PSMD11: variants seen among roughly 807,000 people sequenced by gnomAD.
PSMD11 encodes 26S proteasome non-ATPase regulatory subunit 11.
In PSMD11, 5 loss-of-function variants were observed where a neutral mutation model predicts 62.3. The observed-to-expected ratio is 0.08, with a 90% CI of 0.04 to 0.17. The LOEUF (loss-of-function observed/expected upper bound fraction) is 0.17, where lower values mean the gene tolerates loss of function less well. PSMD11 is among the 10% of genes least tolerant of loss of function. The pLI is 1.00. For synonymous variants in PSMD11, 191 were observed against 191.8 expected, an observed-to-expected ratio of 1.00 and a Z score of 0.03; for missense variants, 310 against 512.9, an observed-to-expected ratio of 0.60 and a Z score of 3.82.
At chr17:32,467,781 T>G (rs1385525120) in intron 5 of PSMD11, among the ~76,000 whole-genome samples, 1 of 152,116 alleles carries the variant, frequency 6.6e-6, no homozygotes, top group Non-Finnish European at 1.5e-5. Flanking sequence ...CCAGCTCTTG[T>G]TTTTATTTTT....
At chr17:32,473,635 G>A (rs1249214087) in intron 6 of PSMD11, among the ~76,000 whole-genome samples, 166 bp from the exon 7 acceptor site, 4 of 150,466 alleles carry the variant, frequency 2.7e-5, no homozygotes, top group African/African-American at 9.8e-5. Flanking sequence ...GGCTTGTCTC[G>A]AACTCCTGGG....
At chr17:32,474,408 G>C (rs1346629322) in intron 7 of PSMD11, among the ~76,000 whole-genome samples, 3 of 152,190 alleles carry the variant, frequency 2.0e-5, no homozygotes, top group African/African-American at 7.2e-5. Context: ...ATGAAATATT[G>C]ACTAAGAACT....
At chr17:32,459,111 AATACATATAT>A (rs1490868539) in intron 3 of PSMD11, among the ~76,000 whole-genome samples, 3 of 43,768 alleles carry the variant, frequency 6.9e-5, no homozygotes, top group African/African-American at 1.9e-4. Context: ...AAAAAAAAAA[AATACATATAT>A]ATATATATAT....
chr17:32,473,883 C>T lies in PSMD11; in HGVS notation c.726C>T (p.Ile242=), dbSNP rs141504283. The T allele has an allele frequency of 3.3e-4, 528 of 1,614,154 alleles. 4 individuals carry two copies. The African/African-American group carries it at 6.2e-3, about 19-fold the overall frequency. ...AGGCATTTGAGGGTTATGACTCCATCGACAGCCCCAAGGCCATCACATCTC... is the reference window on the plus strand; with the variant it reads ...AGGCATTTGAGGGTTATGACTCCATTGACAGCCCCAAGGCCATCACATCTC... The part of the protein sequence containing the change: ...FYEAFEGYDS[I]DSPKAITSLK... The change falls in exon 7 of 14, where the codon ATC becomes ATT. Residue 242 remains isoleucine, a synonymous_variant. Transcript: ENST00000261712.
chr17:32,479,563 A>G (rs1908429457), intron 10 of PSMD11, 187 bp downstream of exon 10: 1 of 871,026 alleles, frequency 1.1e-6, no homozygotes, highest in Non-Finnish European at 1.7e-6. Flanking sequence ...GGGTAGAGGC[A>G]TGTGGGTTGC....
chr17:32,475,114 T>G (rs1908280232), intron 8 of PSMD11, among the ~76,000 whole-genome samples: 1 of 152,208 alleles, frequency 6.6e-6, no homozygotes. Context: ...ACCAGAAGAT[T>G]TATCTACCAC....
intron 2 of PSMD11, among the ~76,000 whole-genome samples, chr17:32,449,136 G>T (rs560623815): frequency 1.3e-5 from 2 of 152,202 alleles, no homozygotes; most frequent in Admixed American, 6.5e-5. Flanking sequence ...CAGGCGTGAT[G>T]GCTCATGCCT....
At chr17:32,453,289 A>T (rs1567852159) in intron 2 of PSMD11, among the ~76,000 whole-genome samples, 1 of 152,244 alleles carries the variant, frequency 6.6e-6, no homozygotes, top group Non-Finnish European at 1.5e-5. Flanking sequence ...TGGACCTAAA[A>T]GGATATATAA....
chr17:32,456,675 G>A (rs1233183639), intron 3 of PSMD11, among the ~76,000 whole-genome samples: 1 of 152,188 alleles, frequency 6.6e-6, no homozygotes. Flanking sequence ...GACTACAGGC[G>A]CCCGCCACCA....
chr17:32,477,258 T>C (rs1908355194), intron 8 of PSMD11: 1 of 362,794 alleles, frequency 2.8e-6, no homozygotes, highest in African/African-American at 2.1e-5. Context: ...CTCTAGAGAA[T>C]GCTATATTAG....
chr17:32,475,704 T>C (rs1203124083), intron 8 of PSMD11, among the ~76,000 whole-genome samples: 1 of 151,770 alleles, frequency 6.6e-6, no homozygotes, highest in East Asian at 2.0e-4. Flanking sequence ...TTTGAAGTGA[T>C]TCTCCTGTCT....
rs554437708 is a variant in PSMD11, at chr17:32,471,246, T to C, written c.643+2053T>C. 1.9e-3 allele frequency among the ~76,000 whole-genome samples: 294 copies of C among 152,342 alleles called. 1 individual carries two copies. The highest frequency in any genetic ancestry group is 2.9e-3 in the Admixed American group (45 of 15,306). ...CTAATTTTTATGTTATCCCAAGTGA[T>C]AGCATAGGTTGGCAGTAGTAGCAGG... On this transcript the variant is annotated intron_variant, in intron 6 of 13. Coordinates refer to ENST00000261712, the MANE Select transcript of PSMD11 (RefSeq NM_002815.4).
rs868836184 is a variant in PSMD11 at position 32,472,913 on chromosome 17, T to C, written c.644-888T>C. 2.3e-4 allele frequency among the ~76,000 whole-genome samples: 34 copies of C among 150,090 alleles called. No homozygotes were observed. The Middle Eastern group carries it at 0.01, about 46-fold the overall frequency. ...GCTCACACCTGTAATCCCAGCACTT[T>C]GGGAAGCCGAGGCGGGTGGATCACT... is the stretch of plus-strand genomic sequence containing the variant. On this transcript the variant is annotated intron_variant, in intron 6 of 13. Transcript: ENST00000261712.
chr17:32,473,858 A>T lies in PSMD11; in HGVS notation c.701A>T (p.Glu234Val). The change falls in exon 7 of 14, where the codon GAG (glutamate) becomes GTG (valine). Residue 234 changes from glutamate (E) to valine (V), a missense_variant. This residue lies in a region of PSMD11 where 47 missense variants were observed against 117.7 expected (regional missense o/e 0.40). Transcript: ENST00000261712. ...AAAACTGCGTACTCATACTTCTATG[A>T]GGCATTTGAGGGTTATGACTCCATC... ...DWKTAYSYFYEAFEGYDSIDS... is the reference protein window; with the variant it reads ...DWKTAYSYFYVAFEGYDSIDS... 1 of 1,613,976 alleles carries T rather than the reference A, an allele frequency of 6.2e-7. No homozygotes were observed. The highest frequency in any genetic ancestry group is 8.5e-7 in the Non-Finnish European group (1 of 1,179,834).
At chr17:32,448,069 C>T (rs950184178) in intron 2 of PSMD11, among the ~76,000 whole-genome samples, 2 of 151,778 alleles carry the variant, frequency 1.3e-5, no homozygotes, top group Admixed American at 6.6e-5. Flanking sequence ...TTAATAGAGA[C>T]GAGGTTTCAC....
chr17:32,459,031 G>T (rs1464881406), intron 3 of PSMD11, among the ~76,000 whole-genome samples: 5 of 149,116 alleles, frequency 3.4e-5, no homozygotes, highest in Non-Finnish European at 7.4e-5. Context: ...GGAGGTAGAG[G>T]TTCCAGTGAG....
At chr17:32,455,625 A>C (rs1285472476) in intron 3 of PSMD11, among the ~76,000 whole-genome samples, 1 of 152,178 alleles carries the variant, frequency 6.6e-6, no homozygotes, top group African/African-American at 2.4e-5. Flanking sequence ...ATCTGGCTTT[A>C]ATGATTCTTT....
intron 9 of PSMD11, chr17:32,477,801 T>C (rs1908374082): frequency 2.9e-6 from 1 of 344,684 alleles, no homozygotes; most frequent in Admixed American, 4.6e-5. Flanking sequence ...TTATACATAA[T>C]ACCTTTCTAT....
chr17:32,456,368 C>A (rs1284987638), intron 3 of PSMD11, among the ~76,000 whole-genome samples: 1 of 151,804 alleles, frequency 6.6e-6, no homozygotes. Context: ...GCGGATAGAA[C>A]AGCATTTATT....
Sources: allele counts gnomAD v4.1 joint callset (sites outside exome capture counted in the v4.1 genomes callset), GRCh38; gene constraint gnomAD v4.1.1; regional missense constraint gnomAD v4.1.1; transcripts MANE v1.5; gene names NCBI Gene and HGNC (gene_info 2026-07-23, HGNC 2026-07-21).